The following SULT6B1 variants were observed in gnomAD, a reference collection of about 807,000 sequenced individuals.
The protein encoded by SULT6B1 is sulfotransferase family 6B member 1, also known as sulfotransferase 6B1.
SULT6B1 carries 44 observed loss-of-function variants against 37.2 expected under a neutral mutation model. That is an observed-to-expected ratio of 1.18 (90% confidence interval 0.93 to 1.52). The LOEUF is 1.52. Ranked by LOEUF, SULT6B1 falls within the 40% of genes most tolerant of loss-of-function variation. The pLI, the probability that SULT6B1 is intolerant of heterozygous loss-of-function variation, is 0.00. For synonymous variants in SULT6B1, 140 were observed against 126.0 expected, an observed-to-expected ratio of 1.11 and a Z score of -0.74; for missense variants, 450 against 361.0, an observed-to-expected ratio of 1.25 and a Z score of -2.00.
chr2:37,193,915 T>G (rs1676838810), intron 1 of SULT6B1, among the ~76,000 whole-genome samples: 1 of 152,172 alleles, frequency 6.6e-6, no homozygotes, highest in Non-Finnish European at 1.5e-5. Flanking sequence ...GGACCCTTGG[T>G]AAAAGTTTCT....
chr2:37,171,007 G>C (rs1383600372), intron 6 of SULT6B1, among the ~76,000 whole-genome samples: 1 of 152,080 alleles, frequency 6.6e-6, no homozygotes, highest in Non-Finnish European at 1.5e-5. Flanking sequence ...GGGAGGCCAA[G>C]GCGGGCGGAT....
chr2:37,184,786 C>G (rs1005435970), intron 2 of SULT6B1, among the ~76,000 whole-genome samples: 2 of 151,672 alleles, frequency 1.3e-5, no homozygotes, highest in African/African-American at 4.8e-5. Context: ...GAGCTGAGAT[C>G]GCGCCACTGC....
At chr2:37,192,720 G>C (rs1676805107), upstream of SULT6B1, among the ~76,000 whole-genome samples, 1 of 152,220 alleles carries the variant, frequency 6.6e-6, no homozygotes, top group Admixed American at 6.5e-5. Context: ...AAACATAGTT[G>C]TTGTTTGCTT....
chr2:37,172,915 C>A (rs935914739), intron 5 of SULT6B1, among the ~76,000 whole-genome samples: 3 of 146,870 alleles, frequency 2.0e-5, no homozygotes, highest in African/African-American at 7.6e-5. Context: ...TGCAATGGCA[C>A]AATATCAGCT....
Position 37,188,662 on chromosome 2 carries a change from C to A in SULT6B1, c.-22G>T, listed in dbSNP as rs749513654. The A allele has an allele frequency of 2.3e-6, 2 of 885,692 alleles. No individual in the cohort carries two copies. The highest frequency in any genetic ancestry group is 3.7e-6 in the Non-Finnish European group (2 of 546,600). 54.9% of individuals were successfully genotyped at this position (885,692 alleles called of 1,614,324 possible). On this transcript the variant is annotated 5_prime_UTR_variant, in exon 1 of 7. The change creates a new upstream start codon in the 5' untranslated region. Coordinates refer to ENST00000535679, the MANE Select transcript of SULT6B1 (RefSeq NM_001367551.1). Reference sequence around the variant, plus strand: ...CCATGGTGGCTCCCTGTAAAAGAACCTGCTCTGTGGCTGTTCAGGGGGAGT... The same window carrying A: ...CCATGGTGGCTCCCTGTAAAAGAACATGCTCTGTGGCTGTTCAGGGGGAGT...
upstream of SULT6B1, among the ~76,000 whole-genome samples, chr2:37,192,287 T>C (rs973135575): frequency 6.6e-6 from 1 of 152,188 alleles, no homozygotes; most frequent in African/African-American, 2.4e-5. Flanking sequence ...GGAAATTCTA[T>C]ATGTCAACAG....
rs1483344266 is a variant in SULT6B1 at position 37,171,506 on chromosome 2, T to C, written c.709A>G (p.Ser237Gly). Residue 237 changes from serine (S) to glycine (G), a missense_variant, in exon 6 of 7, where the codon AGC (serine) becomes GGC (glycine). Transcript: ENST00000535679. The part of the protein sequence containing the change: ...GEQIQTISVQ[S>G]TFQAMRAKSQ... ...TTCGCACGCATGGCTTGGAAGGTGC[T>C]CTGGACTGAGATAGTTTGAATTTGC... The C allele has an allele frequency of 2.5e-6, 4 of 1,614,064 alleles. No individual in the cohort carries two copies. Among genetic ancestry groups the C allele is most frequent in the African/African-American group, 1.3e-5 (1 of 74,928 alleles).
intron 3 of SULT6B1, among the ~76,000 whole-genome samples, 186 bp from the exon 4 acceptor site, chr2:37,179,770 AAAG>A: frequency 6.6e-6 from 1 of 152,192 alleles, no homozygotes; most frequent in East Asian, 1.9e-4. Context: ...GAAAGGAGAG[AAAG>A]AAGAAGAAAA....
At chr2:37,185,464 C>A (rs148019223) in intron 2 of SULT6B1, among the ~76,000 whole-genome samples, 3,531 of 152,132 alleles carry the variant, frequency 0.023, 65 homozygotes, top group Middle Eastern at 0.055. Flanking sequence ...TGCCTGTAAT[C>A]CCAGCACTTT....
At chr2:37,181,717 A>G (rs79757061) in intron 3 of SULT6B1, among the ~76,000 whole-genome samples, 3,528 of 152,184 alleles carry the variant, frequency 0.023, 65 homozygotes, top group Middle Eastern at 0.054. Context: ...ATTCTTACAA[A>G]TGTGAAACTC....
intron 6 of SULT6B1, among the ~76,000 whole-genome samples, chr2:37,168,787 T>C (rs1676235411): frequency 6.6e-6 from 1 of 152,234 alleles, no homozygotes; most frequent in South Asian, 2.1e-4. Flanking sequence ...GGGATGTTTT[T>C]TCTTACTGGC....
upstream of SULT6B1, among the ~76,000 whole-genome samples, chr2:37,190,897 T>C (rs1558453578): frequency 6.6e-6 from 1 of 152,112 alleles, no homozygotes; most frequent in East Asian, 1.9e-4. Flanking sequence ...ATTCTGTAGT[T>C]GGGGCTCTGC....
chr2:37,192,817 A>C (rs1231995392), upstream of SULT6B1, among the ~76,000 whole-genome samples: 3 of 152,192 alleles, frequency 2.0e-5, no homozygotes, highest in Non-Finnish European at 4.4e-5. Context: ...AGGAGGATTT[A>C]GGAGGCTCTT....
intron 5 of SULT6B1, among the ~76,000 whole-genome samples, chr2:37,172,788 G>A (rs998339199): frequency 3.9e-5 from 6 of 152,156 alleles, no homozygotes; most frequent in Admixed American, 2.6e-4. Flanking sequence ...GATTACAGGC[G>A]TGAGCCGCCG....
At chr2:37,171,053 A>G (rs534576584) in intron 6 of SULT6B1, among the ~76,000 whole-genome samples, 10 of 152,296 alleles carry the variant, frequency 6.6e-5, no homozygotes, top group East Asian at 1.9e-4. Context: ...CCTGGCCAAC[A>G]TGGTAAAACC....
chr2:37,187,744 G>A (rs1018912902), intron 1 of SULT6B1, among the ~76,000 whole-genome samples: 9 of 151,998 alleles, frequency 5.9e-5, no homozygotes, highest in Non-Finnish European at 1.0e-4. Flanking sequence ...TTTCTTATAG[G>A]ACAATGTTAT....
rs755428449 is a variant in SULT6B1, at chr2:37,171,469, G to C, written c.746C>G (p.Thr249Arg). 6.2e-7 allele frequency: 1 copy of C among 1,614,172 alleles called. No homozygotes were observed. The highest frequency in any genetic ancestry group is 2.2e-5 in the East Asian group (1 of 44,890). Reference sequence around the variant, plus strand: ...AAGGAATGGGCCGACAGCACCGTGTGTGTCCTGAGACTTCGCACGCATGGC... The same window carrying C: ...AAGGAATGGGCCGACAGCACCGTGTCTGTCCTGAGACTTCGCACGCATGGC... ...FQAMRAKSQD[T>R]HGAVGPFLFR... Residue 249 changes from threonine to arginine, a missense_variant, in exon 6 of 7, where the codon ACA (threonine) becomes AGA (arginine). Physicochemically the swap from Thr to Arg is moderately conservative, Grantham distance 71. Transcript: ENST00000535679.
intron 3 of SULT6B1, among the ~76,000 whole-genome samples, chr2:37,180,483 C>T (rs528075690): frequency 6.6e-6 from 1 of 152,180 alleles, no homozygotes; most frequent in Non-Finnish European, 1.5e-5. Flanking sequence ...TCAGCTAACA[C>T]CTGGATTTTT....
intron 4 of SULT6B1, among the ~76,000 whole-genome samples, chr2:37,177,468 T>C (rs1410930028): frequency 7.4e-6 from 1 of 135,726 alleles, no homozygotes; most frequent in Non-Finnish European, 1.6e-5. Context: ...ATACAGCATG[T>C]TTTCACTTAT....
Sources: allele counts gnomAD v4.1 joint callset (sites outside exome capture counted in the v4.1 genomes callset), GRCh38; gene constraint gnomAD v4.1.1; transcripts MANE v1.5; gene names NCBI Gene and HGNC (gene_info 2026-07-23, HGNC 2026-07-21).